PAX5: variants seen among roughly 807,000 people sequenced by gnomAD.
The protein encoded by PAX5 is paired box protein Pax-5.
PAX5 carries 9 observed loss-of-function variants against 43.7 expected under a neutral mutation model. The ratio of observed to expected loss-of-function variants is 0.21; its 90% CI spans 0.12 to 0.36. PAX5 has a LOEUF of 0.36. PAX5 is among the 10% of genes least tolerant of loss of function. The pLI is 1.00. For missense variants in PAX5, 383 were observed against 532.7 expected (o/e 0.72, Z 2.77); for synonymous variants, 228 against 214.3 (o/e 1.06, Z -0.56).
intron 6 of PAX5, among the ~76,000 whole-genome samples, chr9:36,963,692 A>G (rs1263256944): frequency 2.6e-5 from 4 of 151,966 alleles, no homozygotes; most frequent in Non-Finnish European, 5.9e-5. Flanking sequence ...CTTCCTGGGC[A>G]CTCTGAGCTA....
intron 5 of PAX5, among the ~76,000 whole-genome samples, chr9:36,981,195 C>CCAG (rs1835897225): frequency 6.9e-6 from 1 of 145,292 alleles, no homozygotes; most frequent in Admixed American, 6.9e-5. Flanking sequence ...GCCCCCCCCC[C>CCAG]CTCAGCCCTG....
intron 1 of PAX5, among the ~76,000 whole-genome samples, chr9:37,029,820 T>A (rs1403160644): frequency 6.6e-6 from 1 of 152,190 alleles, no homozygotes; most frequent in Non-Finnish European, 1.5e-5. Context: ...AAGCTATGCT[T>A]TCTCCATTTC....
Position 37,034,052 on chromosome 9 carries a change from T to C in PAX5, c.-21A>G, listed in dbSNP as rs779749787. The C allele has an allele frequency of 4.6e-6, 7 of 1,512,880 alleles. No homozygotes were observed. The highest frequency in any genetic ancestry group is 6.4e-6 in the Non-Finnish European group (7 of 1,092,948). The allele number at this position is 1,512,880 out of a possible 1,614,324, so 93.7% of individuals were successfully genotyped here. ...TCCATTTTGATTTTTCAGGACTTGA[T>C]GGAATGGACAGGGAAAAGTTTCCAC... On this transcript the variant is annotated 5_prime_UTR_variant, in exon 1 of 10. Coordinates refer to ENST00000358127, the MANE Select transcript of PAX5 (RefSeq NM_016734.3).
At chr9:37,024,960 C>T (rs913247277) in intron 1 of PAX5, among the ~76,000 whole-genome samples, 1 of 152,200 alleles carries the variant, frequency 6.6e-6, no homozygotes, top group African/African-American at 2.4e-5. Context: ...CTTGGCTGAG[C>T]CAAGGGCTTG....
intron 6 of PAX5, among the ~76,000 whole-genome samples, chr9:36,924,349 G>A (rs557486434): frequency 3.3e-5 from 5 of 152,274 alleles, no homozygotes; most frequent in African/African-American, 4.8e-5. Context: ...TCTTTCAACT[G>A]AAGGATAGAC....
At chr9:36,966,983 T>C (rs1170298085) in intron 5 of PAX5, among the ~76,000 whole-genome samples, 6 of 152,234 alleles carry the variant, frequency 3.9e-5, no homozygotes, top group Admixed American at 6.5e-5. Flanking sequence ...ATCCTCATGA[T>C]GACCCTCAAG....
At chr9:36,894,040 C>T (rs1000309182) in intron 7 of PAX5, among the ~76,000 whole-genome samples, 1 of 152,164 alleles carries the variant, frequency 6.6e-6, no homozygotes, top group Non-Finnish European at 1.5e-5. Flanking sequence ...AGAAAGACCT[C>T]CAGGAGGTTG....
chr9:37,031,254 C>T (rs568368014), intron 1 of PAX5, among the ~76,000 whole-genome samples: 1 of 152,352 alleles, frequency 6.6e-6, no homozygotes, highest in South Asian at 2.1e-4. Flanking sequence ...GGACTACTCT[C>T]TCTCCCAAAG....
At chr9:36,927,715 T>TTC (rs1023273752) in intron 6 of PAX5, among the ~76,000 whole-genome samples, 5 of 150,284 alleles carry the variant, frequency 3.3e-5, no homozygotes, top group African/African-American at 1.2e-4. Flanking sequence ...TCTTTTTCTT[T>TTC]TTTTTTTTTT....
At position 36,853,971 on chromosome 9, in the gene PAX5, G is replaced by A. The variant is rs1823404503; in HGVS notation, c.1013-7042C>T. Among the ~76,000 whole-genome samples, 4 of 152,248 alleles carry A rather than the reference G, an allele frequency of 2.6e-5. No individual in the cohort carries two copies. The South Asian group carries it at 6.2e-4, about 24-fold the overall frequency. The stretch of plus-strand genomic sequence containing the variant: ...GGATTTGCAGAGCGCACTGGGGGCC[G>A]ACCCCGTCTGCAGATGGTGGGCTCC... On this transcript the variant is annotated intron_variant, in intron 8 of 9. Transcript: ENST00000358127.
At chr9:36,981,448 C>CAA (rs200070533) in intron 5 of PAX5, among the ~76,000 whole-genome samples, 1 of 134,658 alleles carries the variant, frequency 7.4e-6, no homozygotes, top group African/African-American at 2.8e-5. Flanking sequence ...AAAAAAAAAA[C>CAA]AAAAAACAGG....
rs1821767162 is a variant in PAX5 at position 36,838,072 on chromosome 9, G to A, written c.*2488C>T. The A allele has an allele frequency of 1.3e-5, 3 of 233,226 alleles. No individual in the cohort carries two copies. The highest frequency in any genetic ancestry group is 2.5e-5 in the Non-Finnish European group (3 of 118,076). The allele number at this position is 233,226 out of a possible 1,614,324, so 14.4% of individuals were successfully genotyped here. A position where few individuals can be genotyped will look rare whatever the true frequency, so the allele number is the denominator to read the frequency against. On this transcript the variant is annotated 3_prime_UTR_variant, in exon 10 of 10. Coordinates refer to ENST00000358127, the MANE Select transcript of PAX5 (RefSeq NM_016734.3). Reference sequence around the variant, plus strand: ...AGGGAGGCAGGGAGAGAGATGCCAGGTAACATACCTTCTCCTACCTTACCT... The same window carrying A: ...AGGGAGGCAGGGAGAGAGATGCCAGATAACATACCTTCTCCTACCTTACCT...
intron 3 of PAX5, among the ~76,000 whole-genome samples, chr9:37,014,576 G>A (rs775742475): frequency 9.9e-5 from 15 of 152,228 alleles, no homozygotes; most frequent in Non-Finnish European, 1.8e-4. Context: ...GCCCAAACTG[G>A]AGGAAGGATT....
intron 7 of PAX5, among the ~76,000 whole-genome samples, chr9:36,900,246 C>G (rs1376604997): frequency 1.3e-5 from 2 of 152,194 alleles, no homozygotes; most frequent in Non-Finnish European, 2.9e-5. Context: ...GCGTGTGAGT[C>G]TTTAATTCAG....
chr9:37,014,971 A>G, intron 3 of PAX5, 26 bp downstream of exon 3: 1 of 1,605,620 alleles, frequency 6.2e-7, no homozygotes, highest in Non-Finnish European at 8.5e-7. Flanking sequence ...CCAAATCCCC[A>G]ACCCCCACAG....
At chr9:36,877,171 A>G (rs1477631822) in intron 8 of PAX5, among the ~76,000 whole-genome samples, 1 of 152,170 alleles carries the variant, frequency 6.6e-6, no homozygotes, top group Non-Finnish European at 1.5e-5. Flanking sequence ...ACCCGTCTCT[A>G]CAAAAAATAC....
intron 6 of PAX5, among the ~76,000 whole-genome samples, chr9:36,939,206 A>G (rs930497930): frequency 6.6e-6 from 1 of 152,146 alleles, no homozygotes; most frequent in Non-Finnish European, 1.5e-5. Context: ...TCTTTCTTAA[A>G]ATAAATGTGG....
At chr9:36,864,941 C>T (rs1462870127) in intron 8 of PAX5, among the ~76,000 whole-genome samples, 1 of 152,220 alleles carries the variant, frequency 6.6e-6, no homozygotes, top group Non-Finnish European at 1.5e-5. Flanking sequence ...AGCACTCTAA[C>T]GGGCTGGCAG....
intron 5 of PAX5, among the ~76,000 whole-genome samples, chr9:36,972,438 C>T (rs77877639): frequency 0.013 from 1,913 of 152,308 alleles, 37 homozygotes; most frequent in African/African-American, 0.043. Flanking sequence ...TCATTTCTAA[C>T]CCCTTTCTCC....
Sources: allele counts gnomAD v4.1 joint callset (sites outside exome capture counted in the v4.1 genomes callset), GRCh38; gene constraint gnomAD v4.1.1; transcripts MANE v1.5; gene names NCBI Gene and HGNC (gene_info 2026-07-23, HGNC 2026-07-21).